PTPRR: variants seen among roughly 807,000 people sequenced by gnomAD.
PTPRR encodes receptor-type tyrosine-protein phosphatase R.
In PTPRR, 38 loss-of-function variants were observed where a neutral mutation model predicts 77.2. The ratio of observed to expected loss-of-function variants is 0.49; its 90% CI spans 0.38 to 0.65. PTPRR has a LOEUF of 0.65. PTPRR is among the 30% of genes least tolerant of loss of function. The probability of loss-of-function intolerance (pLI) is 0.00; values close to 1 mark genes in which losing one functional copy is unlikely to be tolerated. For missense variants in PTPRR, 744 were observed against 799.2 expected (o/e 0.93, Z 0.83); for synonymous variants, 299 against 283.1 (o/e 1.06, Z -0.57).
intron 2 of PTPRR, among the ~76,000 whole-genome samples, chr12:70,882,444 CAGG>C (rs922967771): frequency 1.3e-5 from 2 of 152,094 alleles, no homozygotes; most frequent in Non-Finnish European, 2.9e-5. Flanking sequence ...AAAACATCAC[CAGG>C]AGACCCACCC....
chr12:70,812,759 C>T (rs113933042), intron 2 of PTPRR, among the ~76,000 whole-genome samples: 206 of 152,168 alleles, frequency 1.4e-3, no homozygotes, highest in Non-Finnish European at 2.7e-3. Flanking sequence ...AGAAAAATGC[C>T]CTCCTTATGG....
chr12:70,731,651 G>A (rs1451751648), intron 6 of PTPRR, among the ~76,000 whole-genome samples: 1 of 152,338 alleles, frequency 6.6e-6, no homozygotes, highest in African/African-American at 2.4e-5. Flanking sequence ...ACCCGTGAAG[G>A]AGGTGGCAAG....
chr12:70,789,526 A>G (rs541356922), intron 2 of PTPRR, among the ~76,000 whole-genome samples: 13 of 152,144 alleles, frequency 8.5e-5, no homozygotes, highest in Non-Finnish European at 1.8e-4. Flanking sequence ...TCCAAAACTG[A>G]TGACTTTTTT....
intron 2 of PTPRR, among the ~76,000 whole-genome samples, chr12:70,815,747 A>C (rs1357658735): frequency 6.6e-6 from 1 of 152,172 alleles, no homozygotes; most frequent in African/African-American, 2.4e-5. Context: ...GTAAGGTCTC[A>C]TTCATTGATT....
intron 2 of PTPRR, among the ~76,000 whole-genome samples, chr12:70,834,689 G>A (rs1451392479): frequency 6.6e-6 from 1 of 152,038 alleles, no homozygotes; most frequent in African/African-American, 2.4e-5. Context: ...TGTAATTATT[G>A]AATAGTAGAA....
rs538542532 is a variant in PTPRR at position 70,678,656 on chromosome 12, GGGTTTA to G, written c.1497+5465_1497+5470del. Among the ~76,000 whole-genome samples the G allele has an allele frequency of 5.6e-4, 85 of 151,690 alleles. 2 individuals are homozygous for G. In the East Asian group the frequency reaches 9.5e-3, roughly 17 times the overall value. Reference sequence around the variant, plus strand: ...TTATTTACTTCCTTCTACTAATTTTGGGTTTAATTTGTTCTTGTCCTTTTTTATTTT... The same window carrying G: ...TTATTTACTTCCTTCTACTAATTTTGATTTGTTCTTGTCCTTTTTTATTTT... On this transcript the variant is annotated intron_variant, in intron 10 of 13. Transcript: ENST00000283228.
intron 4 of PTPRR, 50 bp from the exon 5 acceptor site, chr12:70,754,351 C>T: frequency 6.2e-7 from 1 of 1,607,204 alleles, no homozygotes; most frequent in South Asian, 1.1e-5. Flanking sequence ...CTTGAGAAAA[C>T]TGGCGTTCTT....
chr12:70,793,129 T>C (rs1891450975), intron 2 of PTPRR, among the ~76,000 whole-genome samples: 1 of 152,182 alleles, frequency 6.6e-6, no homozygotes, highest in African/African-American at 2.4e-5. Flanking sequence ...TTTTATCTTA[T>C]TTGTGCCCTA....
At chr12:70,767,998 G>A (rs1293209083) in intron 2 of PTPRR, among the ~76,000 whole-genome samples, 2 of 151,064 alleles carry the variant, frequency 1.3e-5, no homozygotes, top group African/African-American at 4.9e-5. Flanking sequence ...CAGAATCTCT[G>A]GGACACATTC....
chr12:70,750,803 CACTGT>C (rs1890366297), intron 5 of PTPRR, among the ~76,000 whole-genome samples: 1 of 152,156 alleles, frequency 6.6e-6, no homozygotes, highest in African/African-American at 2.4e-5. Flanking sequence ...GATCATAGCT[CACTGT>C]AGCCTCAAAC....
chr12:70,898,779 A>C (rs1319025309), intron 1 of PTPRR, among the ~76,000 whole-genome samples: 2 of 151,314 alleles, frequency 1.3e-5, no homozygotes, highest in Non-Finnish European at 3.0e-5. Context: ...GAGAGAGAAA[A>C]ACGAGTGAAA....
intron 6 of PTPRR, among the ~76,000 whole-genome samples, chr12:70,706,377 T>C (rs893580611): frequency 6.6e-6 from 1 of 152,054 alleles, no homozygotes; most frequent in Non-Finnish European, 1.5e-5. Context: ...GAGTAGGTAT[T>C]GTGACCATTC....
At chr12:70,871,658 C>A (rs907233261) in intron 2 of PTPRR, among the ~76,000 whole-genome samples, 2 of 152,144 alleles carry the variant, frequency 1.3e-5, no homozygotes, top group Admixed American at 1.3e-4. Flanking sequence ...TGGTAAACAT[C>A]AAGTTCTACA....
intron 2 of PTPRR, among the ~76,000 whole-genome samples, chr12:70,892,141 T>C (rs1020485535): frequency 6.6e-6 from 1 of 152,060 alleles, no homozygotes; most frequent in African/African-American, 2.4e-5. Flanking sequence ...TGGTTATTAT[T>C]CAGTAATATC....
intron 10 of PTPRR, among the ~76,000 whole-genome samples, chr12:70,671,565 G>A (rs1887225011): frequency 6.6e-6 from 1 of 152,118 alleles, no homozygotes; most frequent in Non-Finnish European, 1.5e-5. Flanking sequence ...ACCACCCATT[G>A]GTGTAGGAAT....
At chr12:70,649,328 C>A (rs1395606846) in intron 13 of PTPRR, among the ~76,000 whole-genome samples, 2 of 152,034 alleles carry the variant, frequency 1.3e-5, no homozygotes, top group East Asian at 1.9e-4. Context: ...TTGCTGTTAG[C>A]CATACCTGGA....
chr12:70,698,851 C>CT, intron 7 of PTPRR, among the ~76,000 whole-genome samples: 1 of 151,912 alleles, frequency 6.6e-6, no homozygotes, highest in East Asian at 1.9e-4. Flanking sequence ...GATGACATGA[C>CT]TTTTTTTTGA....
At chr12:70,882,070 A>G (rs954281781) in intron 2 of PTPRR, among the ~76,000 whole-genome samples, 1 of 152,120 alleles carries the variant, frequency 6.6e-6, no homozygotes. Flanking sequence ...ATCTTCTTCA[A>G]CCTGGTTAAA....
chr12:70,836,643 A>G (rs899864366), intron 2 of PTPRR, among the ~76,000 whole-genome samples: 2 of 151,958 alleles, frequency 1.3e-5, no homozygotes, highest in African/African-American at 4.8e-5. Flanking sequence ...TTGCTGCCTC[A>G]GGACCTTGGT....
Sources: allele counts gnomAD v4.1 joint callset (sites outside exome capture counted in the v4.1 genomes callset), GRCh38; gene constraint gnomAD v4.1.1; transcripts MANE v1.5; gene names NCBI Gene and HGNC (gene_info 2026-07-23, HGNC 2026-07-21).